The following CD46 variants were observed in gnomAD, a reference collection of about 807,000 sequenced individuals.
CD46 encodes CD46 molecule, also known as membrane cofactor protein.
A neutral mutation model predicts 53.3 loss-of-function variants in CD46; 30 were observed. That is an observed-to-expected ratio of 0.56 (90% CI 0.42 to 0.76). The LOEUF (loss-of-function observed/expected upper bound fraction) is 0.76, where lower values mean the gene tolerates loss of function less well. Among genes scored for constraint, CD46 ranks in the 30% least tolerant of loss-of-function variants. CD46 has a pLI of 0.00. For missense variants in CD46, 409 were observed against 463.0 expected (o/e 0.88, Z 1.07); for synonymous variants, 142 against 152.0 (o/e 0.93, Z 0.48).
chr1:207,786,234 G>A (rs1034709992), intron 11 of CD46, among the ~76,000 whole-genome samples: 3 of 152,076 alleles, frequency 2.0e-5, no homozygotes, highest in African/African-American at 7.2e-5. Context: ...AACACTATCC[G>A]ATTTCCCTCT....
intron 7 of CD46, chr1:207,768,054 TTA>T: frequency 7.9e-6 from 4 of 504,234 alleles, no homozygotes; most frequent in Non-Finnish European, 1.4e-5. Context: ...TTGAATGTGT[TTA>T]TATATATATG....
chr1:207,752,108 G>T lies in CD46; in HGVS notation c.-105G>T. On this transcript the variant is annotated 5_prime_UTR_variant, in exon 1 of 13. Coordinates refer to ENST00000367042, the MANE Select transcript of CD46 (RefSeq NM_172351.3). This position sits in a 1 kb window ranked among gnomAD's most constrained non-coding sequence, Gnocchi z 4.1. ...AGCACTGGATGCTTTGTGAGTTGGGGATTGTTGCGTCCCATATCTGGACCC... is the reference window on the plus strand; with the variant it reads ...AGCACTGGATGCTTTGTGAGTTGGGTATTGTTGCGTCCCATATCTGGACCC... 1 of 1,062,296 alleles carries T rather than the reference G, an allele frequency of 9.4e-7. No individual in the cohort carries two copies. Among genetic ancestry groups the T allele is most frequent in the Non-Finnish European group, 1.5e-6 (1 of 688,518 alleles). The allele number at this position is 1,062,296 out of a possible 1,614,324, so 65.8% of individuals were successfully genotyped here. A position where few individuals can be genotyped will look rare whatever the true frequency, so the allele number is the denominator to read the frequency against.
chr1:207,776,263 C>T (rs1348992227), intron 8 of CD46, among the ~76,000 whole-genome samples: 1 of 152,198 alleles, frequency 6.6e-6, no homozygotes, highest in East Asian at 1.9e-4. Context: ...TACTGTTTCT[C>T]CAGGTACAGT....
At chr1:207,792,803 A>G (rs547682568) in intron 12 of CD46, among the ~76,000 whole-genome samples, 4 of 152,390 alleles carry the variant, frequency 2.6e-5, no homozygotes, top group East Asian at 1.9e-4. Context: ...AATGTCAGGT[A>G]TGCTGCAAGT....
intron 11 of CD46, among the ~76,000 whole-genome samples, chr1:207,786,331 C>A (rs893124678): frequency 6.6e-6 from 1 of 152,058 alleles, no homozygotes; most frequent in Non-Finnish European, 1.5e-5. Context: ...TAAGGTACCT[C>A]AATTAACTGT....
intron 11 of CD46, 98 bp from the exon 12 acceptor site, chr1:207,790,155 C>T (rs1659666939): frequency 1.3e-6 from 1 of 765,698 alleles, no homozygotes; most frequent in East Asian, 2.4e-5. Context: ...TTTCCTGCTA[C>T]TCTCTTACAC....
chr1:207,758,471 C>G (rs1004732005), intron 3 of CD46, among the ~76,000 whole-genome samples: 1 of 152,110 alleles, frequency 6.6e-6, no homozygotes, highest in Non-Finnish European at 1.5e-5. Context: ...ACAACGTGCT[C>G]TTATGGTAAT....
At chr1:207,777,296 G>A (rs1658219001) in intron 8 of CD46, among the ~76,000 whole-genome samples, 1 of 151,930 alleles carries the variant, frequency 6.6e-6, no homozygotes, top group Non-Finnish European at 1.5e-5. Flanking sequence ...AATAGTTTAG[G>A]GTTTCTTTTT....
intron 8 of CD46, among the ~76,000 whole-genome samples, chr1:207,780,764 G>C (rs577824286): frequency 4.6e-5 from 7 of 152,122 alleles, no homozygotes; most frequent in African/African-American, 1.4e-4. Flanking sequence ...GTCTTAGTCT[G>C]TTTTGTATGT....
intron 11 of CD46, among the ~76,000 whole-genome samples, chr1:207,789,711 G>C (rs936800510): frequency 2.0e-5 from 3 of 151,838 alleles, no homozygotes; most frequent in Non-Finnish European, 4.4e-5. Flanking sequence ...ACATGGATTT[G>C]ATACATACTC....
chr1:207,776,811 T>A (rs1234951877), intron 8 of CD46, among the ~76,000 whole-genome samples: 1 of 152,146 alleles, frequency 6.6e-6, no homozygotes, highest in Non-Finnish European at 1.5e-5. Context: ...TGTGTGTGAA[T>A]TTTTTGTAGA....
At chr1:207,761,659 T>G (rs1656231115) in intron 5 of CD46, among the ~76,000 whole-genome samples, 1 of 152,124 alleles carries the variant, frequency 6.6e-6, no homozygotes, top group Non-Finnish European at 1.5e-5. Flanking sequence ...GGCATTTCAT[T>G]TTATACAGTG....
At position 207,761,677 on chromosome 1, in the gene CD46, C is replaced by T. The variant is rs1334788871; in HGVS notation, c.673+231C>T. Among the ~76,000 whole-genome samples, 5 of 151,034 alleles carry T rather than the reference C, an allele frequency of 3.3e-5. No individual in the cohort carries two copies. The East Asian group carries it at 9.7e-4, about 29-fold the overall frequency. On this transcript the variant is annotated intron_variant, in intron 5 of 12. Coordinates refer to ENST00000367042, the MANE Select transcript of CD46 (RefSeq NM_172351.3). ...ATTTCATTTTATACAGTGTGAACTA[C>T]TGTGTACCTGCATGAGTTAGAAGTT...
rs369815339 is a variant in CD46, at chr1:207,789,916, C to T, written c.1083-337C>T. On this transcript the variant is annotated intron_variant, in intron 11 of 12. Transcript: ENST00000367042. ...AAAAAAAATCAAGAGTGCTAGAGAC[C>T]GGTACCATTTCTCCCCAACAATCTG... is the stretch of plus-strand genomic sequence containing the variant. Among the ~76,000 whole-genome samples the T allele has an allele frequency of 4.0e-5, 6 of 148,664 alleles. No individual in the cohort carries two copies. The East Asian group carries it at 5.9e-4, about 15-fold the overall frequency.
Position 207,793,750 on chromosome 1 carries a change from A to C in CD46, c.*273A>C, listed in dbSNP as rs1231078878. On this transcript the variant is annotated 3_prime_UTR_variant, in exon 13 of 13. Transcript: ENST00000367042. ...TAGCATCCTTTGATGCTTCTTTGAA[A>C]CTTGTATGAATTTGGGTATGAACAG... 2.8e-6 allele frequency: 2 copies of C among 709,118 alleles called. No homozygotes were observed. The highest frequency in any genetic ancestry group is 5.2e-6 in the Non-Finnish European group (2 of 385,474). The allele number at this position is 709,118 out of a possible 1,614,324, so 43.9% of individuals were successfully genotyped here.
intron 1 of CD46, among the ~76,000 whole-genome samples, chr1:207,753,785 C>T (rs1447099271): frequency 2.0e-5 from 3 of 152,220 alleles, no homozygotes; most frequent in African/African-American, 7.2e-5. Context: ...TTTCTGCCTT[C>T]ATGTGCGCGT....
intron 5 of CD46, among the ~76,000 whole-genome samples, 170 bp downstream of exon 5, chr1:207,761,616 A>G (rs1308621117): frequency 2.0e-5 from 3 of 152,282 alleles, no homozygotes; most frequent in East Asian, 3.9e-4. Context: ...AGTTCTAGCT[A>G]GAGTTCCCTA....
rs1330891080 is a variant in CD46 at position 207,794,945 on chromosome 1, A to T, written c.*1468A>T. 2 of 152,220 alleles carry T rather than the reference A, an allele frequency of 1.3e-5. No individual in the cohort carries two copies. Among genetic ancestry groups the T allele is most frequent in the Admixed American group, 1.3e-4 (2 of 15,276 alleles). 9.4% of individuals were successfully genotyped at this position (152,220 alleles called of 1,614,324 possible). A position where few individuals can be genotyped will look rare whatever the true frequency, so the allele number is the denominator to read the frequency against. ...AAATCAAGAGTGTAGAAGAATAAATACTGTTTTACTGTCCAAAGACATGTT... is the reference window on the plus strand; with the variant it reads ...AAATCAAGAGTGTAGAAGAATAAATTCTGTTTTACTGTCCAAAGACATGTT... On this transcript the variant is annotated 3_prime_UTR_variant, in exon 13 of 13. Coordinates refer to ENST00000367042, the MANE Select transcript of CD46 (RefSeq NM_172351.3).
At position 207,794,190 on chromosome 1, in the gene CD46, G is replaced by A. The variant is rs1253593971; in HGVS notation, c.*713G>A. ...ATTCTCTATTTTTTGTAATGTGTTC[G>A]GTGATTTCAGAAAGCTAGAAAGTGT... On this transcript the variant is annotated 3_prime_UTR_variant, in exon 13 of 13. Transcript: ENST00000367042. 1 of 153,350 alleles carries A rather than the reference G, an allele frequency of 6.5e-6. No homozygotes were observed. Among genetic ancestry groups the A allele is most frequent in the African/African-American group, 2.4e-5 (1 of 41,398 alleles). 9.5% of individuals were successfully genotyped at this position (153,350 alleles called of 1,614,324 possible).
Sources: allele counts gnomAD v4.1 joint callset (sites outside exome capture counted in the v4.1 genomes callset), GRCh38; gene constraint gnomAD v4.1.1; non-coding constraint Gnocchi (gnomAD v3.1); transcripts MANE v1.5; gene names NCBI Gene and HGNC (gene_info 2026-07-23, HGNC 2026-07-21).